Variants in PEX7 observed in about 807,000 individuals in gnomAD.
PEX7 encodes the protein peroxisomal biogenesis factor 7.
PEX7 carries 34 observed loss-of-function variants against 47.5 expected under a neutral mutation model. The observed-to-expected ratio is 0.72, with a 90% CI of 0.54 to 0.95. The LOEUF (loss-of-function observed/expected upper bound fraction) is 0.95. Ranked by LOEUF, PEX7 falls within the 40% of genes least tolerant of loss-of-function variation. The pLI is 0.00. For missense variants in PEX7, 394 were observed against 400.3 expected, an observed-to-expected ratio of 0.98 and a Z score of 0.13; for synonymous variants, 141 against 148.8, an observed-to-expected ratio of 0.95 and a Z score of 0.38.
chr6:136,872,146 A>G, intron 7 of PEX7, 52 bp from the exon 8 acceptor site: 1 of 1,437,154 alleles, frequency 7.0e-7, no homozygotes, highest in Non-Finnish European at 9.7e-7. Context: ...AAGCAGTGTT[A>G]TAATCACAGC....
chr6:136,825,283 G>A lies in PEX7; in HGVS notation c.188+12G>A, dbSNP rs1774167509. 2 of 1,598,664 alleles carry A rather than the reference G, an allele frequency of 1.3e-6. No homozygotes were observed. The highest frequency in any genetic ancestry group is 1.3e-5 in the African/African-American group (1 of 74,630). On this transcript the variant is annotated intron_variant, in intron 2 of 9. Transcript: ENST00000318471. ...AGGCTTTTTAGAAGGTAAGGGGGCT[G>A]AAATTATTAAAGGTATATATTGTTG...
At chr6:136,823,040 C>G in intron 1 of PEX7, 2 of 985,448 alleles carry the variant, frequency 2.0e-6, no homozygotes, top group Non-Finnish European at 2.4e-6. Flanking sequence ...CCTAGTAGCC[C>G]GTGTCCTTGT....
intron 8 of PEX7, among the ~76,000 whole-genome samples, chr6:136,880,159 T>C (rs1309036545): frequency 6.6e-6 from 1 of 152,118 alleles, no homozygotes; most frequent in Non-Finnish European, 1.5e-5. Context: ...GTCAGATGAA[T>C]TGTTGGAATT....
At chr6:136,901,086 C>T (rs1207108564) in intron 9 of PEX7, 2 of 173,906 alleles carry the variant, frequency 1.2e-5, no homozygotes, top group African/African-American at 4.8e-5. Flanking sequence ...GGGGATTCAC[C>T]ACTTTCTTGG....
chr6:136,895,560 G>A (rs1324782881), intron 8 of PEX7, among the ~76,000 whole-genome samples: 4 of 152,076 alleles, frequency 2.6e-5, no homozygotes, highest in African/African-American at 9.7e-5. Context: ...TCTTGTGTTG[G>A]TTTTTACTAT....
intron 3 of PEX7, among the ~76,000 whole-genome samples, chr6:136,841,297 A>G (rs1582742015): frequency 6.6e-6 from 1 of 152,138 alleles, no homozygotes; most frequent in South Asian, 2.1e-4. Flanking sequence ...AAATTACATT[A>G]TTTTCCTTCC....
At chr6:136,848,244 T>C (rs970864397) in intron 5 of PEX7, among the ~76,000 whole-genome samples, 1 of 152,238 alleles carries the variant, frequency 6.6e-6, no homozygotes, top group Non-Finnish European at 1.5e-5. Context: ...GATTTTGGGC[T>C]GAGACGGTGG....
rs1238255187 is a variant in PEX7, at chr6:136,822,598, G to A, written c.-68G>A. The A allele has an allele frequency of 1.4e-6, 2 of 1,411,064 alleles. No homozygotes were observed. Among genetic ancestry groups the A allele is most frequent in the South Asian group, 1.2e-5 (1 of 81,674 alleles). 87.4% of individuals were successfully genotyped at this position (1,411,064 alleles called of 1,614,324 possible). ...CGGTCTGCCTGGTCTCTCTAACCGC[G>A]CCAGTGTGCCTCCGACTCGGAACGG... On this transcript the variant is annotated 5_prime_UTR_variant, in exon 1 of 10. Transcript: ENST00000318471.
intron 3 of PEX7, 39 bp from the exon 4 acceptor site, chr6:136,845,576 A>G: frequency 1.7e-6 from 2 of 1,170,940 alleles, no homozygotes; most frequent in Non-Finnish European, 2.6e-6. Flanking sequence ...GTTGAACTTG[A>G]TGGTCTTTTG....
chr6:136,888,810 C>A (rs1775509706), intron 8 of PEX7, among the ~76,000 whole-genome samples: 1 of 152,018 alleles, frequency 6.6e-6, no homozygotes, highest in Non-Finnish European at 1.5e-5. Context: ...ATGTGGTTTC[C>A]ACTTTAAATA....
chr6:136,882,269 C>T (rs529879307), intron 8 of PEX7, among the ~76,000 whole-genome samples: 1 of 150,558 alleles, frequency 6.6e-6, no homozygotes, highest in Non-Finnish European at 1.5e-5. Flanking sequence ...CCTCCACCTC[C>T]AGGGTTCAAG....
chr6:136,886,831 T>C (rs2115255130), intron 8 of PEX7, among the ~76,000 whole-genome samples: 1 of 152,172 alleles, frequency 6.6e-6, no homozygotes, highest in Non-Finnish European at 1.5e-5. Context: ...GGCGGGAAAA[T>C]TTCTTGAGCC....
chr6:136,913,582 A>C lies in PEX7; in HGVS notation c.*56A>C. Reference sequence around the variant, plus strand: ...GTTGGCTGAAGAACTGCCTAACAGCAAATAAATTAACTATGGAAAACATAG... The same window carrying C: ...GTTGGCTGAAGAACTGCCTAACAGCCAATAAATTAACTATGGAAAACATAG... On this transcript the variant is annotated 3_prime_UTR_variant, in exon 10 of 10. Coordinates refer to ENST00000318471, the MANE Select transcript of PEX7 (RefSeq NM_000288.4). 9.3e-7 allele frequency: 1 copy of C among 1,074,786 alleles called. No homozygotes were observed. Among genetic ancestry groups the C allele is most frequent in the South Asian group, 1.2e-5 (1 of 80,294 alleles). The allele number at this position is 1,074,786 out of a possible 1,614,324, so 66.6% of individuals were successfully genotyped here. A position where few individuals can be genotyped will look rare whatever the true frequency, so the allele number is the denominator to read the frequency against.
intron 9 of PEX7, among the ~76,000 whole-genome samples, chr6:136,905,493 C>G (rs1436089306): frequency 5.3e-5 from 8 of 152,100 alleles, no homozygotes; most frequent in East Asian, 1.9e-4. Flanking sequence ...AAGTTAAGCC[C>G]AAAAAGGTCA....
intron 8 of PEX7, among the ~76,000 whole-genome samples, chr6:136,886,001 G>A (rs955889041): frequency 1.3e-5 from 2 of 152,178 alleles, no homozygotes; most frequent in Non-Finnish European, 2.9e-5. Flanking sequence ...TACATAGTAA[G>A]TACTATGTAA....
intron 8 of PEX7, among the ~76,000 whole-genome samples, chr6:136,891,598 T>C (rs1279518731): frequency 1.3e-5 from 2 of 151,954 alleles, no homozygotes; most frequent in Non-Finnish European, 2.9e-5. Flanking sequence ...TTACCATCAG[T>C]AAATATTTTT....
intron 5 of PEX7, among the ~76,000 whole-genome samples, chr6:136,857,326 T>G (rs1344984955): frequency 6.6e-6 from 1 of 152,242 alleles, no homozygotes; most frequent in Non-Finnish European, 1.5e-5. Flanking sequence ...AGTTATTATA[T>G]AAGATATGGG....
intron 9 of PEX7, among the ~76,000 whole-genome samples, chr6:136,908,373 T>C (rs1775877584): frequency 6.6e-6 from 1 of 152,214 alleles, no homozygotes; most frequent in Non-Finnish European, 1.5e-5. Flanking sequence ...TAGCATCTTT[T>C]AAAATAATAA....
At chr6:136,824,661 C>A (rs951171413) in intron 1 of PEX7, among the ~76,000 whole-genome samples, 5 of 152,196 alleles carry the variant, frequency 3.3e-5, no homozygotes, top group Non-Finnish European at 5.9e-5. Flanking sequence ...GTAAAATAAT[C>A]TTTGACAGGT....
Sources: gnomAD v4.1 joint callset for allele counts (sites outside exome capture counted in the v4.1 genomes callset) on GRCh38, gnomAD v4.1.1 for gene constraint, MANE v1.5 for transcripts, NCBI Gene and HGNC (gene_info 2026-07-23, HGNC 2026-07-21) for gene names.